The following FAM81A variants were observed in gnomAD, a reference collection of about 807,000 sequenced individuals.
FAM81A encodes protein FAM81A.
In FAM81A, 19 loss-of-function variants were observed where a neutral mutation model predicts 46.7. The ratio of observed to expected loss-of-function variants is 0.41; its 90% CI spans 0.28 to 0.60. FAM81A has a LOEUF of 0.60. Ranked by LOEUF, FAM81A falls within the 20% of genes least tolerant of loss-of-function variation. The probability of loss-of-function intolerance (pLI) is 0.34; values close to 1 mark genes in which losing one functional copy is unlikely to be tolerated. For synonymous variants in FAM81A, 183 were observed against 152.9 expected, an observed-to-expected ratio of 1.20 and a Z score of -1.45; for missense variants, 377 against 453.5, an observed-to-expected ratio of 0.83 and a Z score of 1.53.
At chr15:59,483,478 A>G (rs1431254316) in intron 3 of FAM81A, among the ~76,000 whole-genome samples, 1 of 152,152 alleles carries the variant, frequency 6.6e-6, no homozygotes, top group African/African-American at 2.4e-5. Context: ...TTCTTTATGT[A>G]TGTTATACTT....
At chr15:59,516,010 G>C (rs1176137317) in intron 7 of FAM81A, among the ~76,000 whole-genome samples, 1 of 152,128 alleles carries the variant, frequency 6.6e-6, no homozygotes, top group Non-Finnish European at 1.5e-5. Context: ...AGCCATTCTG[G>C]CTGAATTCCA....
chr15:59,466,890 G>T (rs1326104514), intron 3 of FAM81A, among the ~76,000 whole-genome samples: 3 of 152,172 alleles, frequency 2.0e-5, no homozygotes, highest in Admixed American at 6.6e-5. Flanking sequence ...TGTATAAGGT[G>T]TAAGGAAGGG....
chr15:59,491,732 G>A (rs1283107494), intron 3 of FAM81A, among the ~76,000 whole-genome samples: 1 of 152,150 alleles, frequency 6.6e-6, no homozygotes, highest in African/African-American at 2.4e-5. Context: ...GTCACCTGAT[G>A]TCAGGAATTC....
At chr15:59,504,707 A>AAC (rs141907498) in intron 4 of FAM81A, among the ~76,000 whole-genome samples, 8,130 of 152,194 alleles carry the variant, frequency 0.053, 270 homozygotes, top group African/African-American at 0.094. Context: ...ATGTTAGAAA[A>AAC]AGTCTTTATT....
chr15:59,442,739 A>G (rs538563586), intron 1 of FAM81A, among the ~76,000 whole-genome samples: 3 of 151,980 alleles, frequency 2.0e-5, no homozygotes, highest in African/African-American at 7.2e-5. Flanking sequence ...CACTTGTTTT[A>G]CCTTTCTCGC....
intron 4 of FAM81A, among the ~76,000 whole-genome samples, chr15:59,505,247 C>A (rs2082136663): frequency 6.6e-6 from 1 of 152,126 alleles, no homozygotes; most frequent in African/African-American, 2.4e-5. Flanking sequence ...CGCGGTGGCA[C>A]ACATCTGTAA....
intron 1 of FAM81A, among the ~76,000 whole-genome samples, chr15:59,440,629 C>A (rs1479936571): frequency 6.6e-6 from 1 of 152,182 alleles, no homozygotes; most frequent in East Asian, 1.9e-4. Flanking sequence ...TTGAACAAGA[C>A]TAAACCTTTG....
chr15:59,415,386 G>C (rs2141544537), intron 2 of FAM81A, among the ~76,000 whole-genome samples: 1 of 152,252 alleles, frequency 6.6e-6, no homozygotes, highest in East Asian at 1.9e-4. Context: ...CTAGAATGCT[G>C]GGATTACAGG....
intron 3 of FAM81A, among the ~76,000 whole-genome samples, chr15:59,473,950 T>A (rs745708415): frequency 5.3e-5 from 8 of 152,214 alleles, no homozygotes; most frequent in Non-Finnish European, 2.9e-5. Context: ...GTGTTGGGAT[T>A]ACAGGCATAA....
In FAM81A at chr15:59,476,071, G is replaced by A. The variant is rs193184406; in HGVS notation, c.294+15865G>A. ...CTGAATTGTAGATGGTCGTCTTTTC[G>A]TATCCTTGCATGGCAGAAAGTAGAG... On this transcript the variant is annotated intron_variant, in intron 3 of 8. Coordinates refer to ENST00000288228, the MANE Select transcript of FAM81A (RefSeq NM_152450.3). Among the ~76,000 whole-genome samples, 348 of 152,234 alleles carry A rather than the reference G, an allele frequency of 2.3e-3. 1 individual carries two copies. Among genetic ancestry groups the A allele is most frequent in the Non-Finnish European group, 2.3e-3 (159 of 68,010 alleles).
rs115250965 is a variant in FAM81A, at chr15:59,399,030, G to A, written c.-160-3246G>A. ...TAAAAATACAAAAAGTTATCCAGAT[G>A]TGGTGGCGTGTGCCTGTAATCCCAG... On this transcript the variant is annotated intron_variant, in intron 1 of 4. Transcript: ENST00000558348. Among the ~76,000 whole-genome samples the A allele has an allele frequency of 9.6e-3, 1,466 of 152,100 alleles. 30 individuals are homozygous for A. The highest frequency in any genetic ancestry group is 0.033 in the African/African-American group (1,379 of 41,494).
upstream of FAM81A, among the ~76,000 whole-genome samples, chr15:59,434,219 T>C (rs2081233440): frequency 6.6e-6 from 1 of 152,236 alleles, no homozygotes; most frequent in Admixed American, 6.5e-5. Flanking sequence ...AGAATTTAGA[T>C]TGAGTTACTC....
At chr15:59,510,049 G>A (rs1308742513) in intron 6 of FAM81A, among the ~76,000 whole-genome samples, 3 of 152,142 alleles carry the variant, frequency 2.0e-5, no homozygotes, top group Non-Finnish European at 2.9e-5. Context: ...CAGAATTGAT[G>A]AAAGAGAAAT....
chr15:59,401,610 C>T, intron 1 of FAM81A: 1 of 900,790 alleles, frequency 1.1e-6, no homozygotes, highest in Non-Finnish European at 1.9e-6. Flanking sequence ...TTTAATACTT[C>T]TGTTTCTCCC....
chr15:59,428,842 G>A (rs567538993), intron 2 of FAM81A, among the ~76,000 whole-genome samples: 32 of 152,136 alleles, frequency 2.1e-4, no homozygotes, highest in African/African-American at 7.7e-4. Context: ...TGTTGGCCAG[G>A]CTGATCTCGA....
At chr15:59,507,684 C>A (rs1406455286) in intron 5 of FAM81A, among the ~76,000 whole-genome samples, 1 of 152,192 alleles carries the variant, frequency 6.6e-6, no homozygotes, top group Non-Finnish European at 1.5e-5. Flanking sequence ...TGCCACTCGT[C>A]CCAATTTTTG....
chr15:59,521,369 C>A lies in FAM81A; in HGVS notation c.1098C>A (p.Thr366=). ...KQIQLMQKPE[T]PM is the part of the protein sequence containing the mutation. ...TCCAGCTGATGCAGAAGCCAGAGACCCCCATGTGAAGGGAGCTGGGACAAG... is the reference window on the plus strand; with the variant it reads ...TCCAGCTGATGCAGAAGCCAGAGACACCCATGTGAAGGGAGCTGGGACAAG... The change falls in exon 9 of 9, where the codon ACC becomes ACA. Residue 366 remains threonine, a synonymous_variant. Transcript: ENST00000288228. The A allele has an allele frequency of 6.2e-7, 1 of 1,609,748 alleles. No individual in the cohort carries two copies. The highest frequency in any genetic ancestry group is 8.5e-7 in the Non-Finnish European group (1 of 1,177,810).
chr15:59,521,206 C>A, intron 8 of FAM81A, 48 bp from the exon 9 acceptor site: 10 of 1,579,812 alleles, frequency 6.3e-6, no homozygotes, highest in Non-Finnish European at 8.6e-6. Context: ...TTTGATACAG[C>A]ATTTTAAAAA....
At chr15:59,511,352 T>C (rs1369776119) in intron 6 of FAM81A, among the ~76,000 whole-genome samples, 1 of 152,244 alleles carries the variant, frequency 6.6e-6, no homozygotes, top group Non-Finnish European at 1.5e-5. Flanking sequence ...AACTTTAGAC[T>C]TTGATAAATT....
Sources: allele counts gnomAD v4.1 joint callset (sites outside exome capture counted in the v4.1 genomes callset), GRCh38; gene constraint gnomAD v4.1.1; transcripts MANE v1.5; gene names NCBI Gene and HGNC (gene_info 2026-07-23, HGNC 2026-07-21).